HGD: variants seen among roughly 807,000 people sequenced by gnomAD.
HGD encodes the protein homogentisate 1,2-dioxygenase.
Under a neutral mutation model 60.8 loss-of-function variants are expected in HGD, and 61 were observed. That is an observed-to-expected ratio of 1.00 (90% CI 0.82 to 1.24). The LOEUF (loss-of-function observed/expected upper bound fraction) is 1.24, where lower values mean the gene tolerates loss of function less well. Among genes scored for constraint, HGD ranks in the 50% most tolerant of loss-of-function variants. The pLI is 0.00. For missense variants in HGD, 542 were observed against 547.1 expected (o/e 0.99, Z 0.09); for synonymous variants, 212 against 187.7 (o/e 1.13, Z -1.06).
chr3:120,651,747 C>A (rs764131630), intron 5 of HGD, among the ~76,000 whole-genome samples: 4 of 152,132 alleles, frequency 2.6e-5, no homozygotes, highest in African/African-American at 4.8e-5. Context: ...CTCCTCTCCC[C>A]CAGATACTCC....
Position 120,670,413 on chromosome 3 carries a change from C to T in HGD, c.282+14G>A, listed in dbSNP as rs140222440. 8.4e-4 allele frequency: 1,127 copies of T among 1,349,602 alleles called. 9 individuals are homozygous for T. In the African/African-American group the frequency reaches 0.015, roughly 18 times the overall value. 83.6% of individuals were successfully genotyped at this position (1,349,602 alleles called of 1,614,324 possible). ...TGGGTATATGATAAGCTTCAATTCA[C>T]AGGACCAGGTTACCTGGTTAGGATC... On this transcript the variant is annotated intron_variant, in intron 4 of 13. Transcript: ENST00000283871.
rs1372093563 is a variant in HGD at position 120,672,259 on chromosome 3, G to C, written c.177-1727C>G. On this transcript the variant is annotated intron_variant, in intron 3 of 13. Transcript: ENST00000283871. ...TGTCTTTCTTTCTTTTCTTTTTAAA[G>C]TGTGTCCTCTCTACCAGGACCAGAT... 3.3e-5 allele frequency among the ~76,000 whole-genome samples: 5 copies of C among 152,142 alleles called. No homozygotes were observed. In the East Asian group the frequency reaches 7.7e-4, roughly 24 times the overall value.
At chr3:120,663,791 T>A (rs952121916) in intron 4 of HGD, among the ~76,000 whole-genome samples, 2 of 150,100 alleles carry the variant, frequency 1.3e-5, no homozygotes, top group Admixed American at 1.4e-4. Context: ...TTTATAAACA[T>A]TTATTGGATT....
chr3:120,648,019 G>C (rs1164801788), intron 6 of HGD, 108 bp from the exon 7 acceptor site: 1 of 940,590 alleles, frequency 1.1e-6, no homozygotes. Flanking sequence ...GCTCAGAGCT[G>C]GGTATAAAAT....
At chr3:120,631,044 C>G (rs1475891124) in intron 13 of HGD, among the ~76,000 whole-genome samples, 2 of 151,552 alleles carry the variant, frequency 1.3e-5, no homozygotes, top group Non-Finnish European at 2.9e-5. Flanking sequence ...CTTGTGGACA[C>G]AAAGAGGGGA....
Position 120,652,585 on chromosome 3 carries a change from G to A in HGD, c.342+7C>T. ...CAGTAGGGAGGGTGTGGATGGGACT[G>A]ACTTACACTCACAAAGTCTACTTTC... On this transcript the variant is annotated splice_region_variant and intron_variant, in intron 5 of 13. Transcript: ENST00000283871. 1.9e-6 allele frequency: 3 copies of A among 1,606,268 alleles called. No individual in the cohort carries two copies. Among genetic ancestry groups the A allele is most frequent in the Non-Finnish European group, 2.6e-6 (3 of 1,172,996 alleles).
intron 12 of HGD, among the ~76,000 whole-genome samples, chr3:120,634,196 G>C (rs1015167214): frequency 6.6e-6 from 1 of 152,158 alleles, no homozygotes; most frequent in African/African-American, 2.4e-5. Context: ...GAAGAGCTCT[G>C]TGTGTAAGAA....
chr3:120,647,101 A>C (rs921402811), intron 7 of HGD, 49 bp from the exon 8 acceptor site: 1 of 1,428,726 alleles, frequency 7.0e-7, no homozygotes, highest in Non-Finnish European at 9.9e-7. Context: ...TGGTGTGATA[A>C]CCATTTCATG....
chr3:120,649,751 C>A (rs1294273155), intron 6 of HGD, among the ~76,000 whole-genome samples: 1 of 152,066 alleles, frequency 6.6e-6, no homozygotes, highest in African/African-American at 2.4e-5. Context: ...ACAGGGAACC[C>A]CCCCAAAAAT....
intron 13 of HGD, among the ~76,000 whole-genome samples, chr3:120,629,369 T>C (rs1017152741): frequency 1.3e-5 from 2 of 152,178 alleles, no homozygotes; most frequent in African/African-American, 2.4e-5. Flanking sequence ...AATAGAATTA[T>C]CTTGTGCTAC....
rs1023373261 is a variant in HGD, at chr3:120,652,482, C to T, written c.342+110G>A. The stretch of plus-strand genomic sequence containing the variant: ...GCATACGCAGGTGGTTTTGTCTCTG[C>T]TGCCTCCTGATAGGGCTGCTTCTGC... On this transcript the variant is annotated intron_variant, in intron 5 of 13. Coordinates refer to ENST00000283871, the MANE Select transcript of HGD (RefSeq NM_000187.4). 6 of 801,628 alleles carry T rather than the reference C, an allele frequency of 7.5e-6. No homozygotes were observed. In the African/African-American group the frequency reaches 1.0e-4, roughly 13 times the overall value. The allele number at this position is 801,628 out of a possible 1,614,324, so 49.7% of individuals were successfully genotyped here.
chr3:120,642,863 G>C (rs1941032531), intron 10 of HGD, among the ~76,000 whole-genome samples: 1 of 152,170 alleles, frequency 6.6e-6, no homozygotes, highest in South Asian at 2.1e-4. Context: ...AGGGAGCCCG[G>C]GTGATACAGT....
At chr3:120,650,722 C>A in intron 6 of HGD, 52 bp downstream of exon 6, 1 of 1,392,566 alleles carries the variant, frequency 7.2e-7, no homozygotes, top group Non-Finnish European at 1.0e-6. Flanking sequence ...TGACTTCTGG[C>A]CAAAATCCCT....
intron 12 of HGD, among the ~76,000 whole-genome samples, chr3:120,634,803 C>A (rs907723464): frequency 6.6e-6 from 1 of 152,192 alleles, no homozygotes; most frequent in Non-Finnish European, 1.5e-5. Flanking sequence ...CACACCCACC[C>A]TGCTCAGAAA....
At chr3:120,647,749 C>G in intron 7 of HGD, 128 bp downstream of exon 7, 2 of 838,132 alleles carry the variant, frequency 2.4e-6, no homozygotes, top group South Asian at 2.7e-5. Context: ...AGACCTCAGT[C>G]TCTGGATTGC....
rs1036219564 is a variant in HGD at position 120,641,685 on chromosome 3, G to T, written c.783C>A (p.Ser261=). ...CGTGCCAGGCCACAACATTGAACGG[G>T]GAGACATCCTAAACACAAAAAGCAG... ...GKLFAAKQDV[S]PFNVVAWHGN... Residue 261 remains serine, a synonymous_variant, in exon 11 of 14, where the codon TCC becomes TCA. Coordinates refer to ENST00000283871, the MANE Select transcript of HGD (RefSeq NM_000187.4). 1 of 1,610,746 alleles carries T rather than the reference G, an allele frequency of 6.2e-7. No individual in the cohort carries two copies. Among genetic ancestry groups the T allele is most frequent in the Non-Finnish European group, 8.5e-7 (1 of 1,176,988 alleles).
Position 120,650,738 on chromosome 3 carries a change from G to A in HGD, c.434+36C>T, listed in dbSNP as rs762629587. 1.1e-5 allele frequency: 17 copies of A among 1,493,074 alleles called. No individual in the cohort carries two copies. In the South Asian group the frequency reaches 1.7e-4, roughly 15 times the overall value. The allele number at this position is 1,493,074 out of a possible 1,614,324, so 92.5% of individuals were successfully genotyped here. A position where few individuals can be genotyped will look rare whatever the true frequency, so the allele number is the denominator to read the frequency against. On this transcript the variant is annotated intron_variant, in intron 6 of 13. Transcript: ENST00000283871. ...GACTTCTGGCCAAAATCCCTTAGAA[G>A]ATGGGCATGTCCTTCCCTAGAACTG...
chr3:120,633,672 A>T, intron 12 of HGD: 1 of 1,115,562 alleles, frequency 9.0e-7, no homozygotes, highest in Non-Finnish European at 1.2e-6. Flanking sequence ...CTATCATCTA[A>T]GCTTACGAGC....
At chr3:120,633,863 C>T (rs1940671168) in intron 12 of HGD, among the ~76,000 whole-genome samples, 2 of 152,254 alleles carry the variant, frequency 1.3e-5, no homozygotes, top group East Asian at 3.9e-4. Flanking sequence ...AGTCCATTAT[C>T]AAATGATAAT....
Sources: allele counts gnomAD v4.1 joint callset (sites outside exome capture counted in the v4.1 genomes callset), GRCh38; gene constraint gnomAD v4.1.1; transcripts MANE v1.5; gene names NCBI Gene and HGNC (gene_info 2026-07-23, HGNC 2026-07-21).